PHACTR2: variants seen among roughly 807,000 people sequenced by gnomAD.
PHACTR2 encodes the protein chromosome 6 open reading frame 56.
Under a neutral mutation model 76.0 loss-of-function variants are expected in PHACTR2, and 30 were observed. The observed-to-expected ratio is 0.39, with a 90% CI of 0.30 to 0.54. PHACTR2 has a LOEUF of 0.54. Ranked by LOEUF, PHACTR2 falls within the 20% of genes least tolerant of loss-of-function variation. PHACTR2 has a pLI of 0.61. For synonymous variants in PHACTR2, 292 were observed against 292.5 expected (o/e 1.00, Z 0.02); for missense variants, 696 against 781.1 (o/e 0.89, Z 1.30).
Position 143,686,012 on chromosome 6 carries a change from A to G in PHACTR2, c.46+7803A>G, listed in dbSNP as rs377262483. 5.9e-5 allele frequency among the ~76,000 whole-genome samples: 9 copies of G among 151,958 alleles called. No homozygotes were observed. In the East Asian group the frequency reaches 1.7e-3, roughly 29 times the overall value. On this transcript the variant is annotated intron_variant, in intron 1 of 12. Transcript: ENST00000440869. ...CCAGGTGTGGTGGCGGGCGCCCGTA[A>G]TCTCAGCTACTTGAGAGGCTGAGAC...
Position 143,821,742 on chromosome 6 carries a change from G to A in PHACTR2, c.1923-1932G>A, listed in dbSNP as rs867464405. Among the ~76,000 whole-genome samples the A allele has an allele frequency of 7.2e-5, 11 of 152,268 alleles. No individual in the cohort carries two copies. The highest frequency in any genetic ancestry group is 3.4e-3 in the Middle Eastern group (1 of 294). The stretch of plus-strand genomic sequence containing the variant: ...GGTGTGGTGGATCAAACCTGTAATC[G>A]CAGCACGCTGGGAGGCCGAGGACAG... On this transcript the variant is annotated intron_variant, in intron 12 of 12. Coordinates refer to ENST00000440869, the MANE Select transcript of PHACTR2 (RefSeq NM_001100164.2). The surrounding 1 kb of genome is among the most constrained non-coding windows in gnomAD (Gnocchi z 5.2).
rs978696803 is a variant in PHACTR2, at chr6:143,608,779, T to C, written c.13+457T>C. Reference sequence around the variant, plus strand: ...TGATGCTTTCATCTTCACGTTAGGATGCAATGTCGAAAATGTTTCGATAGC... The same window carrying C: ...TGATGCTTTCATCTTCACGTTAGGACGCAATGTCGAAAATGTTTCGATAGC... On this transcript the variant is annotated intron_variant, in intron 1 of 11. Coordinates refer to the PHACTR2 transcript ENST00000305766. This position sits in a 1 kb window ranked among gnomAD's most constrained non-coding sequence, Gnocchi z 4.6. Among the ~76,000 whole-genome samples the C allele has an allele frequency of 6.6e-6, 1 of 152,234 alleles. No individual in the cohort carries two copies. The highest frequency in any genetic ancestry group is 2.4e-5 in the African/African-American group (1 of 41,464).
intron 1 of PHACTR2, among the ~76,000 whole-genome samples, chr6:143,693,413 TTTTTAG>T (rs1165164469): frequency 1.3e-5 from 2 of 152,122 alleles, no homozygotes; most frequent in Non-Finnish European, 2.9e-5. Flanking sequence ...AATTTTTGTA[TTTTTAG>T]TAGAGACGGG....
At position 143,700,572 on chromosome 6, in the gene PHACTR2, G is replaced by T. The variant is rs186337889; in HGVS notation, c.47-11444G>T. On this transcript the variant is annotated intron_variant, in intron 1 of 12. Coordinates refer to ENST00000440869, the MANE Select transcript of PHACTR2 (RefSeq NM_001100164.2). The surrounding 1 kb of genome is among the most constrained non-coding windows in gnomAD (Gnocchi z 4.1). ...CCATTGATTGGGGGCAGTGGGGAGG[G>T]GGGGCGAGAGGAGAACTGTGATATT... Among the ~76,000 whole-genome samples the T allele has an allele frequency of 6.6e-6, 1 of 152,226 alleles. No individual in the cohort carries two copies. The highest frequency in any genetic ancestry group is 1.9e-4 in the East Asian group (1 of 5,182).
chr6:143,556,429 C>T lies in PHACTR2; in HGVS notation c.217+19222C>T, dbSNP rs186061336. Reference sequence around the variant, plus strand: ...AAATGGAGAAAACATTGAAGGCAGCCAGCTTGATAGAATCATCAAAAATAA... The same window carrying T: ...AAATGGAGAAAACATTGAAGGCAGCTAGCTTGATAGAATCATCAAAAATAA... On this transcript the variant is annotated intron_variant, in intron 1 of 11. Transcript: ENST00000367584. The surrounding 1 kb of genome is among the most constrained non-coding windows in gnomAD (Gnocchi z 4.3). Among the ~76,000 whole-genome samples, 13 of 152,258 alleles carry T rather than the reference C, an allele frequency of 8.5e-5. No individual in the cohort carries two copies. Among genetic ancestry groups the T allele is most frequent in the African/African-American group, 2.9e-4 (12 of 41,548 alleles).
rs570284160 is a variant in PHACTR2, at chr6:143,795,936, G to T, written c.1845+7026G>T. Among the ~76,000 whole-genome samples, 1 of 152,116 alleles carries T rather than the reference G, an allele frequency of 6.6e-6. No homozygotes were observed. The highest frequency in any genetic ancestry group is 1.5e-5 in the Non-Finnish European group (1 of 68,024). On this transcript the variant is annotated intron_variant, in intron 11 of 12. Coordinates refer to ENST00000440869, the MANE Select transcript of PHACTR2 (RefSeq NM_001100164.2). The surrounding 1 kb of genome is among the most constrained non-coding windows in gnomAD (Gnocchi z 4.8). ...TTTCACCGTTGATTCCTGAGTTTAC[G>T]ATCTAGTCTAAAATTATCCAGTGAA...
At chr6:143,675,961 G>A (rs1240193214), upstream of PHACTR2, among the ~76,000 whole-genome samples, 1 of 152,108 alleles carries the variant, frequency 6.6e-6, no homozygotes, top group Non-Finnish European at 1.5e-5. The surrounding 1 kb of genome is among the most constrained non-coding windows in gnomAD (Gnocchi z 4.9). Context: ...TTCTGTAGAC[G>A]TTTTCTATGT....
intron 2 of PHACTR2, among the ~76,000 whole-genome samples, chr6:143,718,649 G>T (rs1778357314): frequency 6.6e-6 from 1 of 152,140 alleles, no homozygotes; most frequent in South Asian, 2.1e-4. Context: ...AAAATGGTTG[G>T]CAAGGATCAA....
In PHACTR2 at chr6:143,658,102, T is replaced by A. The variant is rs1320264635; in HGVS notation, c.13+49780T>A. 6.6e-6 allele frequency among the ~76,000 whole-genome samples: 1 copy of A among 152,190 alleles called. No homozygotes were observed. The highest frequency in any genetic ancestry group is 1.5e-5 in the Non-Finnish European group (1 of 68,034). ...TTATGAACAAAGCTGCTATGAACAT[T>A]CCTAAACTGGTCTTTTTATGGATAT... On this transcript the variant is annotated intron_variant, in intron 1 of 11. Coordinates refer to the PHACTR2 transcript ENST00000305766. The surrounding 1 kb of genome is among the most constrained non-coding windows in gnomAD (Gnocchi z 4.1).
At chr6:143,788,144 T>C (rs1364674503) in intron 10 of PHACTR2, among the ~76,000 whole-genome samples, 1 of 152,224 alleles carries the variant, frequency 6.6e-6, no homozygotes, top group Non-Finnish European at 1.5e-5. Flanking sequence ...TTTTAAGCAG[T>C]GATGGCCTCA....
At chr6:143,586,197 C>G (rs1775627823) in intron 1 of PHACTR2, among the ~76,000 whole-genome samples, 2 of 143,948 alleles carry the variant, frequency 1.4e-5, no homozygotes, top group Non-Finnish European at 3.1e-5. Context: ...TACTTGGCTG[C>G]AAGTGTAGAA....
chr6:143,809,768 C>A lies in PHACTR2; in HGVS notation c.1922+2635C>A, dbSNP rs1250782675. On this transcript the variant is annotated intron_variant, in intron 12 of 12. Transcript: ENST00000440869. The surrounding 1 kb of genome is among the most constrained non-coding windows in gnomAD (Gnocchi z 4.2). Reference sequence around the variant, plus strand: ...ATGTACATGTATGCATTTATATGTACCCTCTCTCACACATAAACACAGCAT... The same window carrying A: ...ATGTACATGTATGCATTTATATGTAACCTCTCTCACACATAAACACAGCAT... Among the ~76,000 whole-genome samples the A allele has an allele frequency of 2.0e-5, 3 of 151,554 alleles. No individual in the cohort carries two copies. The East Asian group carries it at 5.8e-4, about 29-fold the overall frequency.
rs896512158 is a variant in PHACTR2 at position 143,816,139 on chromosome 6, C to T, written c.1923-7535C>T. ...AGGAAAGTTCTGAAAAGAGGGTGGA[C>T]AAAAGGCTTCAGTATCCTTAGGGCA... On this transcript the variant is annotated intron_variant, in intron 12 of 12. Transcript: ENST00000440869. This position sits in a 1 kb window ranked among gnomAD's most constrained non-coding sequence, Gnocchi z 4.5. Among the ~76,000 whole-genome samples the T allele has an allele frequency of 6.6e-6, 1 of 151,990 alleles. No individual in the cohort carries two copies. The highest frequency in any genetic ancestry group is 1.5e-5 in the Non-Finnish European group (1 of 68,008).
chr6:143,796,957 C>G (rs1156814708), intron 11 of PHACTR2, among the ~76,000 whole-genome samples: 1 of 152,180 alleles, frequency 6.6e-6, no homozygotes. Flanking sequence ...AGTGGTATTT[C>G]TAGTTCTAGA....
At position 143,827,133 on chromosome 6, in the gene PHACTR2, C is replaced by T. The variant is rs1427473215; in HGVS notation, c.*3444C>T. On this transcript the variant is annotated 3_prime_UTR_variant, in exon 13 of 13. Transcript: ENST00000440869. ...TTTACAGCCTGCAATTAATTCAGGG[C>T]TGCGTTGGCATTAAAAAAGAAAATA... 1 of 123,646 alleles carries T rather than the reference C, an allele frequency of 8.1e-6. No individual in the cohort carries two copies. Among genetic ancestry groups the T allele is most frequent in the Non-Finnish European group, 1.6e-5 (1 of 61,918 alleles). 7.7% of individuals were successfully genotyped at this position (123,646 alleles called of 1,614,324 possible). A position where few individuals can be genotyped will look rare whatever the true frequency, so the allele number is the denominator to read the frequency against.
At position 143,753,809 on chromosome 6, in the gene PHACTR2, A is replaced by C. The variant is rs1779239584; in HGVS notation, c.351A>C (p.Gly117=). The C allele has an allele frequency of 1.2e-6, 2 of 1,612,068 alleles. No homozygotes were observed. Among genetic ancestry groups the C allele is most frequent in the Middle Eastern group, 1.7e-4 (1 of 6,050 alleles). Residue 117 remains glycine (G), a synonymous_variant, in exon 4 of 13, where the codon GGA becomes GGC. Coordinates refer to ENST00000440869, the MANE Select transcript of PHACTR2 (RefSeq NM_001100164.2). The surrounding 1 kb of genome is among the most constrained non-coding windows in gnomAD (Gnocchi z 4.6). ...CAAACGGGCACATGATACCCATCGG[A>C]GAGGAATCTACCCGAGAGGAAAATG... ...ENSNGHMIPI[G]EESTREENVV...
At position 143,623,903 on chromosome 6, in the gene PHACTR2, A is replaced by G. The variant is rs1007586616; in HGVS notation, c.13+15581A>G. The stretch of plus-strand genomic sequence containing the variant: ...TATTGTCTTACCATGTATGATGCAC[A>G]ATATTCTGGGTACACTCAGAGCACC... On this transcript the variant is annotated intron_variant, in intron 1 of 11. Coordinates refer to the PHACTR2 transcript ENST00000305766. The surrounding 1 kb of genome is among the most constrained non-coding windows in gnomAD (Gnocchi z 5.9). Among the ~76,000 whole-genome samples the G allele has an allele frequency of 2.6e-5, 4 of 152,208 alleles. No individual in the cohort carries two copies. The highest frequency in any genetic ancestry group is 7.2e-5 in the African/African-American group (3 of 41,438).
chr6:143,705,064 A>T (rs1369692058), intron 1 of PHACTR2, among the ~76,000 whole-genome samples: 3 of 151,450 alleles, frequency 2.0e-5, no homozygotes, highest in Non-Finnish European at 4.4e-5. Flanking sequence ...TGACCTTGTG[A>T]TCTGCCTGCC....
chr6:143,710,137 C>T lies in PHACTR2; in HGVS notation c.47-1879C>T, dbSNP rs188846600. On this transcript the variant is annotated intron_variant, in intron 1 of 12. Coordinates refer to ENST00000440869, the MANE Select transcript of PHACTR2 (RefSeq NM_001100164.2). This position sits in a 1 kb window ranked among gnomAD's most constrained non-coding sequence, Gnocchi z 4.9. Reference sequence around the variant, plus strand: ...TGGTTATGTGGCTAGAGAGTGCAGACGTTTGTGGTCTGTGCCCATTGGTGT... The same window carrying T: ...TGGTTATGTGGCTAGAGAGTGCAGATGTTTGTGGTCTGTGCCCATTGGTGT... Among the ~76,000 whole-genome samples, 77 of 152,178 alleles carry T rather than the reference C, an allele frequency of 5.1e-4. 1 individual carries two copies. The highest frequency in any genetic ancestry group is 4.4e-3 in the Admixed American group (68 of 15,286).
Sources: gnomAD v4.1 joint callset for allele counts (sites outside exome capture counted in the v4.1 genomes callset) on GRCh38, gnomAD v4.1.1 for gene constraint, Gnocchi (gnomAD v3.1) non-coding constraint, MANE v1.5 for transcripts, NCBI Gene and HGNC (gene_info 2026-07-23, HGNC 2026-07-21) for gene names.